P2RX3: variants seen among roughly 807,000 people sequenced by gnomAD.
P2RX3 encodes P2X purinoceptor 3.
P2RX3 carries 41 observed loss-of-function variants against 51.5 expected under a neutral mutation model. The observed-to-expected ratio is 0.80, with a 90% CI of 0.62 to 1.03. P2RX3 has a LOEUF of 1.03. Among genes scored for constraint, P2RX3 ranks in the 50% least tolerant of loss-of-function variants. The pLI is 0.00. For synonymous variants in P2RX3, 185 were observed against 191.6 expected (o/e 0.97, Z 0.29); for missense variants, 459 against 522.1 (o/e 0.88, Z 1.18).
chr11:57,338,592 G>A lies in P2RX3; in HGVS notation c.42G>A (p.Lys14=). The change falls in exon 1 of 12, where the codon AAG becomes AAA. Residue 14 remains lysine (K), a synonymous_variant. Coordinates refer to ENST00000263314, the MANE Select transcript of P2RX3 (RefSeq NM_002559.5). ...ISDFFTYETT[K]SVVVKSWTIG... ...ACTTCTTCACCTATGAGACCACCAA[G>A]TCGGTGGTTGTGAAGAGCTGGACCA... The A allele has an allele frequency of 1.3e-6, 2 of 1,596,470 alleles. No individual in the cohort carries two copies. The highest frequency in any genetic ancestry group is 1.1e-5 in the South Asian group (1 of 90,344).
At chr11:57,349,975 C>G in intron 7 of P2RX3, 77 bp downstream of exon 7, 1 of 1,577,364 alleles carries the variant, frequency 6.3e-7, no homozygotes, top group Non-Finnish European at 8.6e-7. Flanking sequence ...GCCCTTTGGC[C>G]GGCACTGGCC....
rs772621106 is a variant in P2RX3 at position 57,347,453 on chromosome 11, C to A, written c.366C>A (p.Cys122Ter). ...EKYRCVSDSQ[C>*]GPERLPGGGI... The stretch of plus-strand genomic sequence containing the variant: ...ACCGCTGTGTATCAGACAGCCAGTG[C>A]GGGCCTGAGCGCTTGCCAGGTGGGG... Residue 122 changes from cysteine to a stop codon, truncating the protein, a stop_gained, in exon 4 of 12, where the codon TGC (cysteine) becomes TGA (stop). Coordinates refer to ENST00000263314, the MANE Select transcript of P2RX3 (RefSeq NM_002559.5). LOFTEE classifies it high-confidence loss of function. 1 of 1,558,276 alleles carries A rather than the reference C, an allele frequency of 6.4e-7. No homozygotes were observed. Among genetic ancestry groups the A allele is most frequent in the Non-Finnish European group, 8.7e-7 (1 of 1,150,666 alleles).
Position 57,359,321 on chromosome 11 carries a change from G to A in P2RX3, c.842+8423G>A, listed in dbSNP as rs763584217. ...ATTGACCAAATTCCCCAGAAACCAG[G>A]GGGGAGGAAGCCAGGGAATGTGGGC... On this transcript the variant is annotated intron_variant, in intron 8 of 11. Transcript: ENST00000263314. Among the ~76,000 whole-genome samples the A allele has an allele frequency of 2.7e-5, 4 of 148,192 alleles. No individual in the cohort carries two copies. The South Asian group carries it at 6.2e-4, about 23-fold the overall frequency.
chr11:57,348,824 C>A, intron 6 of P2RX3, 120 bp downstream of exon 6: 1 of 700,254 alleles, frequency 1.4e-6, no homozygotes, highest in Non-Finnish European at 2.4e-6. Flanking sequence ...TCCACTGACC[C>A]ATCTCCCTGG....
intron 6 of P2RX3, among the ~76,000 whole-genome samples, chr11:57,349,326 C>T (rs961953939): frequency 6.6e-6 from 1 of 151,216 alleles, no homozygotes; most frequent in Admixed American, 6.6e-5. Context: ...ATTAGCCAGG[C>T]GCCGTGGCAC....
In P2RX3 at chr11:57,369,366, T is replaced by A. The variant is rs1016132056; in HGVS notation, c.1008T>A (p.Thr336=). 1 of 1,609,644 alleles carries A rather than the reference T, an allele frequency of 6.2e-7. No homozygotes were observed. Among genetic ancestry groups the A allele is most frequent in the Non-Finnish European group, 8.5e-7 (1 of 1,178,226 alleles). ...VAAFTSVGVG[T]VLCDIILLNF... is the part of the protein sequence containing the mutation. ...CCCTGCCTCTCCTCCTCCAGGGAAC[T>A]GTTCTCTGTGACATCATCCTGCTCA... The change falls in exon 11 of 12, where the codon ACT becomes ACA. Residue 336 remains threonine (T), a synonymous_variant. Coordinates refer to ENST00000263314, the MANE Select transcript of P2RX3 (RefSeq NM_002559.5).
At chr11:57,351,046 C>G in intron 8 of P2RX3, 148 bp downstream of exon 8, 1 of 1,163,460 alleles carries the variant, frequency 8.6e-7, no homozygotes, top group South Asian at 1.5e-5. Flanking sequence ...GAAGGACTCT[C>G]TAACAGCCAT....
At chr11:57,347,502 C>G (rs771884830) in intron 4 of P2RX3, 24 bp downstream of exon 4, 145 of 1,551,370 alleles carry the variant, frequency 9.3e-5, no homozygotes, top group Non-Finnish European at 4.4e-6. Context: ...CTTACCCACC[C>G]CACAATCCCA....
rs1856273377 is a variant in P2RX3, at chr11:57,338,381, A to T, written c.-170A>T. 2.0e-6 allele frequency: 1 copy of T among 490,482 alleles called. No homozygotes were observed. The highest frequency in any genetic ancestry group is 1.9e-5 in the African/African-American group (1 of 52,724). 30.4% of individuals were successfully genotyped at this position (490,482 alleles called of 1,614,324 possible). ...TCTTGGAAGCCAGAGTATCAAGAGCAGAGAATCTCACTAGGATTGCATGGC... is the reference window on the plus strand; with the variant it reads ...TCTTGGAAGCCAGAGTATCAAGAGCTGAGAATCTCACTAGGATTGCATGGC... On this transcript the variant is annotated 5_prime_UTR_variant, in exon 1 of 12. Transcript: ENST00000263314.
chr11:57,369,524 A>C, intron 11 of P2RX3, 86 bp downstream of exon 11: 1 of 1,306,606 alleles, frequency 7.7e-7, no homozygotes, highest in Non-Finnish European at 1.1e-6. Flanking sequence ...TCCCCTTCTG[A>C]GGCCTTCTGA....
At chr11:57,368,476 AG>A in intron 10 of P2RX3, 39 bp downstream of exon 10, 1 of 1,609,150 alleles carries the variant, frequency 6.2e-7, no homozygotes, top group Non-Finnish European at 8.5e-7. Context: ...GGCCAGTCAG[AG>A]TGGGGCCCGG....
chr11:57,347,035 G>C (rs1415710156), intron 2 of P2RX3, 81 bp from the exon 3 acceptor site: 1 of 1,380,048 alleles, frequency 7.2e-7, no homozygotes, highest in Non-Finnish European at 1.0e-6. Flanking sequence ...CTCATCTGTA[G>C]AGTGGGGATA....
At chr11:57,355,896 A>AG (rs1003053484) in intron 8 of P2RX3, among the ~76,000 whole-genome samples, 1 of 152,218 alleles carries the variant, frequency 6.6e-6, no homozygotes, top group African/African-American at 2.4e-5. Context: ...CAGGTGTGGA[A>AG]GCTCCTGCCT....
intron 8 of P2RX3, among the ~76,000 whole-genome samples, chr11:57,364,376 GT>G (rs1856766644): frequency 6.6e-6 from 1 of 152,200 alleles, no homozygotes; most frequent in Non-Finnish European, 1.5e-5. Flanking sequence ...GGAGGCATCG[GT>G]ATGGATTAGA....
intron 2 of P2RX3, 62 bp from the exon 3 acceptor site, chr11:57,347,054 T>A: frequency 6.9e-7 from 1 of 1,456,680 alleles, no homozygotes; most frequent in Non-Finnish European, 9.6e-7. Context: ...TAATCAGTTA[T>A]AGTCCCTGTC....
At chr11:57,368,529 G>A (rs1856832532) in intron 10 of P2RX3, 92 bp downstream of exon 10, 1 of 1,404,048 alleles carries the variant, frequency 7.1e-7, no homozygotes, top group South Asian at 1.2e-5. Context: ...GCAAAACTCT[G>A]CCTCTGCCTG....
Position 57,347,396 on chromosome 11 carries a change from G to C in P2RX3, c.328-19G>C, listed in dbSNP as rs1856457306. ...CCAGGACAGTGTCCTTCACCAACCT[G>C]TGACCCGTCTGCCCACAGAGTGAGG... On this transcript the variant is annotated intron_variant, in intron 3 of 11. Transcript: ENST00000263314. The C allele has an allele frequency of 6.4e-7, 1 of 1,556,328 alleles. No individual in the cohort carries two copies. Among genetic ancestry groups the C allele is most frequent in the Non-Finnish European group, 8.7e-7 (1 of 1,149,340 alleles).
At chr11:57,346,790 G>A (rs578098480) in intron 2 of P2RX3, 111 bp downstream of exon 2, 3 of 1,441,376 alleles carry the variant, frequency 2.1e-6, no homozygotes, top group Non-Finnish European at 2.8e-6. Context: ...AATCCATGAT[G>A]TCACTGATCC....
intron 4 of P2RX3, 71 bp downstream of exon 4, chr11:57,347,549 G>A: frequency 6.7e-7 from 1 of 1,495,244 alleles, no homozygotes; most frequent in South Asian, 1.2e-5. Flanking sequence ...GCCCGTCGTT[G>A]GAGAGGGAGT....
Sources: gnomAD v4.1 joint callset for allele counts (sites outside exome capture counted in the v4.1 genomes callset) on GRCh38, gnomAD v4.1.1 for gene constraint, MANE v1.5 for transcripts, NCBI Gene and HGNC (gene_info 2026-07-23, HGNC 2026-07-21) for gene names.